The following FRMD4A variants were observed in gnomAD, a reference collection of about 807,000 sequenced individuals.
FRMD4A encodes the protein FERM domain-containing protein 4A.
In FRMD4A, 29 loss-of-function variants were observed where a neutral mutation model predicts 129.1. The ratio of observed to expected loss-of-function variants is 0.22; its 90% confidence interval spans 0.17 to 0.31. FRMD4A has a LOEUF of 0.31. Ranked by LOEUF, FRMD4A falls within the 10% of genes least tolerant of loss-of-function variation. The pLI is 1.00. For synonymous variants in FRMD4A, 634 were observed against 571.6 expected (o/e 1.11, Z -1.56); for missense variants, 1,272 against 1,375.8 (o/e 0.92, Z 1.19).
At chr10:14,160,463 C>G (rs986012971) in intron 2 of FRMD4A, among the ~76,000 whole-genome samples, 5 of 152,132 alleles carry the variant, frequency 3.3e-5, no homozygotes, top group African/African-American at 1.2e-4. Context: ...TAAAAAGCTA[C>G]TGCCCAGAAA....
intron 2 of FRMD4A, among the ~76,000 whole-genome samples, chr10:14,162,715 T>C (rs908322765): frequency 4.0e-5 from 6 of 149,374 alleles, no homozygotes; most frequent in African/African-American, 1.2e-4. Context: ...TTTATTTAAC[T>C]GGATTCCTGT....
chr10:14,093,097 G>C (rs1362421544), intron 2 of FRMD4A, among the ~76,000 whole-genome samples: 1 of 152,202 alleles, frequency 6.6e-6, no homozygotes, highest in Non-Finnish European at 1.5e-5. Context: ...ACATGAGAGA[G>C]GGGAGGTACA....
At chr10:13,865,779 C>A (rs1242776809) in intron 2 of FRMD4A, among the ~76,000 whole-genome samples, 2 of 151,994 alleles carry the variant, frequency 1.3e-5, no homozygotes, top group African/African-American at 4.8e-5. Context: ...GCAAATTGAT[C>A]CTGAACCCAG....
intron 11 of FRMD4A, among the ~76,000 whole-genome samples, chr10:13,738,816 T>C (rs2090811805): frequency 6.6e-6 from 1 of 152,112 alleles, no homozygotes; most frequent in Non-Finnish European, 1.5e-5. Flanking sequence ...AGACAGGATT[T>C]CACCATGTTG....
intron 3 of FRMD4A, among the ~76,000 whole-genome samples, chr10:13,813,428 G>A (rs993977133): frequency 1.3e-5 from 2 of 152,202 alleles, no homozygotes; most frequent in African/African-American, 4.8e-5. Flanking sequence ...GCAACAGAGC[G>A]AGACTGTCTC....
chr10:14,221,651 C>T (rs1268182602), intron 2 of FRMD4A, among the ~76,000 whole-genome samples: 1 of 152,114 alleles, frequency 6.6e-6, no homozygotes, highest in Non-Finnish European at 1.5e-5. Flanking sequence ...CCTCCAACTC[C>T]TGGGCTCAAG....
chr10:14,164,302 G>T lies in FRMD4A; in HGVS notation c.45+165756C>A, dbSNP rs114395976. 8.9e-3 allele frequency among the ~76,000 whole-genome samples: 1,351 copies of T among 152,326 alleles called. 23 individuals carry two copies. The highest frequency in any genetic ancestry group is 0.029 in the African/African-American group (1,214 of 41,562). ...CGCTCTGGCTGGGAGAATGGCAGGG[G>T]CGACCTGCGCCTGGTCCCTGTCCCT... On this transcript the variant is annotated intron_variant, in intron 2 of 24. Coordinates refer to ENST00000357447, the MANE Select transcript of FRMD4A (RefSeq NM_018027.5).
At chr10:14,191,073 A>G (rs1242737380) in intron 2 of FRMD4A, among the ~76,000 whole-genome samples, 1 of 152,180 alleles carries the variant, frequency 6.6e-6, no homozygotes, top group Non-Finnish European at 1.5e-5. Context: ...TTAGTGTCGC[A>G]GTGAGAGGTT....
intron 5 of FRMD4A, among the ~76,000 whole-genome samples, chr10:13,795,563 C>T (rs111673924): frequency 3.3e-5 from 5 of 152,270 alleles, no homozygotes; most frequent in East Asian, 3.9e-4. Flanking sequence ...ATTTGTATCT[C>T]GCTCCTGAAT....
chr10:14,125,802 G>A (rs1048745459), intron 2 of FRMD4A, among the ~76,000 whole-genome samples: 6 of 152,090 alleles, frequency 3.9e-5, no homozygotes, highest in African/African-American at 1.5e-4. Flanking sequence ...CTTCCAGGCT[G>A]ATAAGGAGAA....
chr10:14,187,708 G>A (rs1470692753), intron 2 of FRMD4A, among the ~76,000 whole-genome samples: 1 of 152,224 alleles, frequency 6.6e-6, no homozygotes, highest in Admixed American at 6.5e-5. Flanking sequence ...CTGAGCCTGG[G>A]AGGTTAAGGC....
intron 2 of FRMD4A, among the ~76,000 whole-genome samples, chr10:14,279,317 G>A (rs1845443878): frequency 6.6e-6 from 1 of 151,156 alleles, no homozygotes; most frequent in Admixed American, 6.6e-5. Flanking sequence ...CTCCCCAGTA[G>A]CTGGGATTAC....
chr10:14,293,136 T>A (rs1047519116), intron 2 of FRMD4A, among the ~76,000 whole-genome samples: 2 of 152,212 alleles, frequency 1.3e-5, no homozygotes, highest in Non-Finnish European at 2.9e-5. Context: ...AAACTTAATC[T>A]CCAATGCAAC....
In FRMD4A at chr10:14,069,904, C is replaced by G. The variant is rs529668601; in HGVS notation, c.46-210992G>C. The stretch of plus-strand genomic sequence containing the variant: ...TGCCTTTCTAACTTTTGCTGTCTGT[C>G]TTTGGCTATTTCAAGAATAATATTA... On this transcript the variant is annotated intron_variant, in intron 2 of 24. Transcript: ENST00000357447. 5.9e-5 allele frequency among the ~76,000 whole-genome samples: 9 copies of G among 152,270 alleles called. No homozygotes were observed. The South Asian group carries it at 1.7e-3, about 28-fold the overall frequency.
chr10:14,078,959 C>A (rs910702515), intron 2 of FRMD4A, among the ~76,000 whole-genome samples: 1 of 152,180 alleles, frequency 6.6e-6, no homozygotes, highest in Admixed American at 6.5e-5. Flanking sequence ...ACAGGACTAA[C>A]CCTAGGTCTT....
At chr10:14,015,673 T>A (rs566810147) in intron 2 of FRMD4A, among the ~76,000 whole-genome samples, 2 of 152,304 alleles carry the variant, frequency 1.3e-5, no homozygotes, top group African/African-American at 4.8e-5. Context: ...ACTGGCTTCA[T>A]CCTTGTCTAA....
intron 2 of FRMD4A, among the ~76,000 whole-genome samples, chr10:13,859,532 A>G (rs568684258): frequency 1.3e-5 from 2 of 152,356 alleles, no homozygotes; most frequent in South Asian, 2.1e-4. Context: ...GCAAATATAT[A>G]TATAACATAT....
At chr10:13,730,335 T>C (rs1324498869) in intron 12 of FRMD4A, among the ~76,000 whole-genome samples, 1 of 152,220 alleles carries the variant, frequency 6.6e-6, no homozygotes, top group African/African-American at 2.4e-5. Context: ...AGATAGCATT[T>C]AATTTTCATT....
intron 2 of FRMD4A, among the ~76,000 whole-genome samples, chr10:14,036,638 G>A (rs913501458): frequency 3.3e-5 from 5 of 152,120 alleles, no homozygotes; most frequent in African/African-American, 1.2e-4. Flanking sequence ...TTTTGGGATG[G>A]AGTCTTGCTC....
Sources: gnomAD v4.1 joint callset for allele counts (sites outside exome capture counted in the v4.1 genomes callset) on GRCh38, gnomAD v4.1.1 for gene constraint, MANE v1.5 for transcripts, NCBI Gene and HGNC (gene_info 2026-07-23, HGNC 2026-07-21) for gene names.